The following DIP2A variants were observed in gnomAD, a reference collection of about 807,000 sequenced individuals.
The protein encoded by DIP2A is disco-interacting protein 2 homolog A.
In DIP2A, 85 loss-of-function variants were observed where a neutral mutation model predicts 177.4. The observed-to-expected ratio is 0.48, with a 90% CI of 0.40 to 0.57. The LOEUF (loss-of-function observed/expected upper bound fraction) is 0.57. Among genes scored for constraint, DIP2A ranks in the 20% least tolerant of loss-of-function variants. DIP2A has a pLI of 0.00. For missense variants in DIP2A, 1,791 were observed against 2,100.2 expected (o/e 0.85, Z 2.88); for synonymous variants, 886 against 881.8 (o/e 1.00, Z -0.08).
At chr21:46,559,829 G>C (rs2060606147) in intron 32 of DIP2A, among the ~76,000 whole-genome samples, 1 of 152,168 alleles carries the variant, frequency 6.6e-6, no homozygotes, top group Non-Finnish European at 1.5e-5. Flanking sequence ...CTTGGCCTCT[G>C]TCAGCCCAAC....
At chr21:46,477,382 C>T (rs1404522443) in intron 1 of DIP2A, among the ~76,000 whole-genome samples, 4 of 151,604 alleles carry the variant, frequency 2.6e-5, no homozygotes, top group African/African-American at 7.2e-5. Flanking sequence ...CAAAAATTAA[C>T]GGGGCGTGGT....
At chr21:46,472,578 G>T (rs1262932539) in intron 1 of DIP2A, among the ~76,000 whole-genome samples, 1 of 152,252 alleles carries the variant, frequency 6.6e-6, no homozygotes, top group East Asian at 1.9e-4. Context: ...AAGCATGTGT[G>T]AAGAGGGTGG....
chr21:46,551,835 G>C lies in DIP2A; in HGVS notation c.2961G>C (p.Leu987=), dbSNP rs1160031279. 6.2e-7 allele frequency: 1 copy of C among 1,612,556 alleles called. No individual in the cohort carries two copies. The highest frequency in any genetic ancestry group is 1.3e-5 in the African/African-American group (1 of 74,916). ...GCCCTCTCGTGCAGTTCCTGTTCCTGGCTGACGTGCTGCAGTGGCGTGCCC... is the reference window on the plus strand; with the variant it reads ...GCCCTCTCGTGCAGTTCCTGTTCCTCGCTGACGTGCTGCAGTGGCGTGCCC... ...DSDQARKFLF[L]ADVLQWRAHT... is the part of the protein sequence containing the mutation. The change falls in exon 25 of 38, where the codon CTG becomes CTC. Residue 987 remains leucine (L), a synonymous_variant. Transcript: ENST00000417564.
Position 46,567,857 on chromosome 21 carries a change from G to A in DIP2A, c.*235G>A. On this transcript the variant is annotated 3_prime_UTR_variant, in exon 38 of 38. Transcript: ENST00000417564. The stretch of plus-strand genomic sequence containing the variant: ...CACGGATGCTGGTATTTTAACAGAT[G>A]GAGAGACAAGGAAAGGAAAGGAAAG... 1 of 456,806 alleles carries A rather than the reference G, an allele frequency of 2.2e-6. No homozygotes were observed. Among genetic ancestry groups the A allele is most frequent in the Non-Finnish European group, 3.7e-6 (1 of 270,354 alleles). The allele number at this position is 456,806 out of a possible 1,614,324, so 28.3% of individuals were successfully genotyped here. A position where few individuals can be genotyped will look rare whatever the true frequency, so the allele number is the denominator to read the frequency against.
chr21:46,480,464 C>T (rs532499772), intron 1 of DIP2A, among the ~76,000 whole-genome samples: 1 of 152,226 alleles, frequency 6.6e-6, no homozygotes, highest in South Asian at 2.1e-4. Context: ...AGAGCCAGAC[C>T]ATATCAGGTG....
chr21:46,504,080 ACTCTGTGCCTGC>A (rs1425285776), intron 5 of DIP2A, among the ~76,000 whole-genome samples: 1 of 152,132 alleles, frequency 6.6e-6, no homozygotes, highest in East Asian at 1.9e-4. Flanking sequence ...AGGCAGGTTT[ACTCTGTGCCTGC>A]CTCTGTGCTG....
chr21:46,529,727 T>A (rs774288298), intron 9 of DIP2A, among the ~76,000 whole-genome samples: 6 of 152,230 alleles, frequency 3.9e-5, no homozygotes, highest in South Asian at 2.1e-4. Flanking sequence ...CATCTTCTTT[T>A]CTGTTTGACT....
intron 2 of DIP2A, among the ~76,000 whole-genome samples, chr21:46,489,316 T>TGTCCCTG (rs1280612089): frequency 6.6e-6 from 1 of 152,246 alleles, no homozygotes; most frequent in African/African-American, 2.4e-5. Context: ...AATGTTACCT[T>TGTCCCTG]GTCCCTGTCC....
At chr21:46,532,548 C>T (rs2839303) in intron 10 of DIP2A, among the ~76,000 whole-genome samples, 14,510 of 152,206 alleles carry the variant, frequency 0.095, 957 homozygotes, top group African/African-American at 0.17. Context: ...ATTTTTTCCT[C>T]TAATGAATAG....
chr21:46,500,903 A>G (rs1473275940), intron 5 of DIP2A, among the ~76,000 whole-genome samples: 2 of 152,216 alleles, frequency 1.3e-5, no homozygotes, highest in Non-Finnish European at 1.5e-5. Context: ...TGCAGCTGTA[A>G]TCATCTCTTC....
At chr21:46,574,531 G>T (rs370555596), downstream of DIP2A, among the ~76,000 whole-genome samples, 28 of 152,036 alleles carry the variant, frequency 1.8e-4, no homozygotes, top group South Asian at 5.4e-3. Context: ...AGCCAAAAAT[G>T]GTTTCTTTGA....
intron 18 of DIP2A, among the ~76,000 whole-genome samples, chr21:46,542,348 A>G (rs1036216538): frequency 6.6e-6 from 1 of 152,240 alleles, no homozygotes; most frequent in Non-Finnish European, 1.5e-5. Context: ...GTGTTGAAGC[A>G]TTTAACCCCA....
Position 46,546,964 on chromosome 21 carries a change from G to C in DIP2A, c.2444G>C (p.Gly815Ala). The C allele has an allele frequency of 6.2e-7, 1 of 1,613,972 alleles. No individual in the cohort carries two copies. The highest frequency in any genetic ancestry group is 8.5e-7 in the Non-Finnish European group (1 of 1,179,878). Reference sequence around the variant, plus strand: ...AAACTGGACGGGCTGATGGTCACTGGAGTTCGCAGACACAATGCAGATGAC... The same window carrying C: ...AAACTGGACGGGCTGATGGTCACTGCAGTTCGCAGACACAATGCAGATGAC... Reference protein sequence around the residue: ...VGKLDGLMVTGVRRHNADDVV... With the variant: ...VGKLDGLMVTAVRRHNADDVV... Residue 815 changes from glycine to alanine, a missense_variant, in exon 21 of 38, where the codon GGA becomes GCA. Physicochemically the swap from Gly to Ala is moderately conservative, Grantham distance 60 (BLOSUM62 0). Transcript: ENST00000417564.
In DIP2A at chr21:46,557,827, A is replaced by C; in HGVS notation, c.3798+74A>C. ...GGGAAGTTTAAAAACAACAAAACAA[A>C]ACAAGACTCCCAAGGCCCCTCCCTG... On this transcript the variant is annotated intron_variant, in intron 31 of 37. Transcript: ENST00000417564. This position sits in a 1 kb window ranked among gnomAD's most constrained non-coding sequence, Gnocchi z 6.0. The C allele has an allele frequency of 1.3e-6, 2 of 1,515,436 alleles. No individual in the cohort carries two copies. Among genetic ancestry groups the C allele is most frequent in the Non-Finnish European group, 1.8e-6 (2 of 1,119,642 alleles). 93.9% of individuals were successfully genotyped at this position (1,515,436 alleles called of 1,614,324 possible).
chr21:46,486,141 A>C (rs1414959131), intron 2 of DIP2A, among the ~76,000 whole-genome samples: 1 of 151,206 alleles, frequency 6.6e-6, no homozygotes, highest in Non-Finnish European at 1.5e-5. Context: ...TGTCCAGTAG[A>C]ACTTCTTGCA....
chr21:46,573,827 C>G (rs751283289), downstream of DIP2A, among the ~76,000 whole-genome samples: 19 of 151,822 alleles, frequency 1.3e-4, no homozygotes, highest in Non-Finnish European at 2.4e-4. Context: ...TTTACACATA[C>G]AATGACAGAT....
chr21:46,577,198 C>T, the DIP2A span, among the ~76,000 whole-genome samples: 53 of 152,138 alleles, frequency 3.5e-4, no homozygotes, highest in African/African-American at 1.3e-3. Flanking sequence ...ATCATGAAAT[C>T]TCTGTCCGTG....
intron 25 of DIP2A, chr21:46,552,847 A>G (rs1328139959): frequency 2.0e-5 from 3 of 152,378 alleles, no homozygotes; most frequent in East Asian, 1.9e-4. Context: ...TCTAAAGCCT[A>G]CAAACCAGCC....
At chr21:46,492,525 G>A (rs2057073164) in intron 3 of DIP2A, among the ~76,000 whole-genome samples, 1 of 152,062 alleles carries the variant, frequency 6.6e-6, no homozygotes, top group South Asian at 2.1e-4. Context: ...TGTTCTGTGG[G>A]CTCGATTATA....
Sources: allele counts gnomAD v4.1 joint callset (sites outside exome capture counted in the v4.1 genomes callset), GRCh38; gene constraint gnomAD v4.1.1; non-coding constraint Gnocchi (gnomAD v3.1); transcripts MANE v1.5; gene names NCBI Gene and HGNC (gene_info 2026-07-23, HGNC 2026-07-21).